Variants in NFASC observed in about 807,000 individuals in gnomAD.
The protein encoded by NFASC is neurofascin, also known as neurofascin homolog.
NFASC carries 43 observed loss-of-function variants against 147.5 expected under a neutral mutation model. The observed-to-expected ratio is 0.29, with a 90% CI of 0.23 to 0.38. The LOEUF (loss-of-function observed/expected upper bound fraction) is 0.38. NFASC is among the 10% of genes least tolerant of loss of function. The probability of loss-of-function intolerance (pLI) is 1.00; values close to 1 mark genes in which losing one functional copy is unlikely to be tolerated. For missense variants in NFASC, 1,320 were observed against 1,689.0 expected (o/e 0.78, Z 3.83); for synonymous variants, 622 against 665.5 (o/e 0.93, Z 1.01).
intron 2 of NFASC, among the ~76,000 whole-genome samples, chr1:204,931,764 T>C (rs749139823): frequency 2.0e-5 from 3 of 152,142 alleles, no homozygotes; most frequent in Non-Finnish European, 2.9e-5. Context: ...CCCTTCTGTG[T>C]TCTTGGTGTC....
At chr1:204,898,340 A>G (rs2083805132) in intron 1 of NFASC, among the ~76,000 whole-genome samples, 1 of 152,252 alleles carries the variant, frequency 6.6e-6, no homozygotes, top group Non-Finnish European at 1.5e-5. Context: ...GTATAAAATA[A>G]TAAAACCCAT....
chr1:204,894,188 T>C (rs941655738), intron 1 of NFASC, among the ~76,000 whole-genome samples: 2 of 152,240 alleles, frequency 1.3e-5, no homozygotes, highest in African/African-American at 4.8e-5. Flanking sequence ...TAAAAAAATA[T>C]TTGTCAAAAG....
At chr1:204,944,448 T>TTTGG in intron 3 of NFASC, 42 bp downstream of exon 3, 3 of 485,904 alleles carry the variant, frequency 6.2e-6, no homozygotes, top group Non-Finnish European at 7.4e-6. Flanking sequence ...TTCCTGATTT[T>TTTGG]GGGCAGAGGG....
In NFASC at chr1:204,946,433, G is replaced by C. The variant is rs2093742142; in HGVS notation, c.91+2027G>C. 3 of 439,450 alleles carry C rather than the reference G, an allele frequency of 6.8e-6. No individual in the cohort carries two copies. In the Admixed American group the frequency reaches 7.0e-5, roughly 10 times the overall value. 27.2% of individuals were successfully genotyped at this position (439,450 alleles called of 1,614,324 possible). ...GAAGTCCTTCTGCAATGCCATTCCA[G>C]ATGCTCTGGCTGTGTCGGGGCAGGA... On this transcript the variant is annotated intron_variant, in intron 3 of 29. Coordinates refer to ENST00000339876, the MANE Select transcript of NFASC (RefSeq NM_001005388.3).
At chr1:204,908,488 C>G (rs1317985422) in intron 1 of NFASC, among the ~76,000 whole-genome samples, 3 of 152,080 alleles carry the variant, frequency 2.0e-5, no homozygotes, top group South Asian at 4.1e-4. Context: ...AAAGAATCAA[C>G]TGAAAAACTC....
intron 1 of NFASC, among the ~76,000 whole-genome samples, chr1:204,833,351 G>A (rs1377373652): frequency 6.6e-6 from 1 of 152,196 alleles, no homozygotes; most frequent in African/African-American, 2.4e-5. Flanking sequence ...ACTTGTTGAA[G>A]ATTACAGAAC....
At chr1:204,974,335 C>T (rs748330074) in intron 13 of NFASC, 45 bp downstream of exon 13, 5 of 1,429,146 alleles carry the variant, frequency 3.5e-6, no homozygotes, top group African/African-American at 1.4e-5. Flanking sequence ...GGTCACCTGT[C>T]TCATCTTCTC....
Position 204,987,514 on chromosome 1 carries a change from T to A in NFASC, c.2567T>A (p.Ile856Asn). ...CCTGAGCATCCAAATGGGATCATGATTGGATACACTCTCAAATATGTGGCC... is the reference window on the plus strand; with the variant it reads ...CCTGAGCATCCAAATGGGATCATGAATGGATACACTCTCAAATATGTGGCC... ...DHPEHPNGIM[I>N]GYTLKYVAFN... The change falls in exon 22 of 30, where the codon ATT (isoleucine) becomes AAT (asparagine). Residue 856 changes from isoleucine (I) to asparagine (N), a missense_variant. By Grantham distance (149) the Ile-to-Asn change is moderately radical (BLOSUM62 -3). Coordinates refer to ENST00000339876, the MANE Select transcript of NFASC (RefSeq NM_001005388.3). This position sits in a 1 kb window ranked among gnomAD's most constrained non-coding sequence, Gnocchi z 4.4. The A allele has an allele frequency of 6.2e-7, 1 of 1,614,090 alleles. No individual in the cohort carries two copies. The highest frequency in any genetic ancestry group is 8.5e-7 in the Non-Finnish European group (1 of 1,180,004).
intron 8 of NFASC, among the ~76,000 whole-genome samples, chr1:204,962,710 C>T (rs2094740680): frequency 6.6e-6 from 1 of 152,174 alleles, no homozygotes; most frequent in African/African-American, 2.4e-5. Flanking sequence ...AAGAGTCCAG[C>T]TCTGAGTTCT....
At chr1:204,904,610 T>G (rs753988383) in intron 1 of NFASC, among the ~76,000 whole-genome samples, 4 of 152,228 alleles carry the variant, frequency 2.6e-5, no homozygotes, top group Non-Finnish European at 5.9e-5. Context: ...TTGAGCTTCA[T>G]TCACATTTCT....
At chr1:204,869,119 A>G (rs901746629) in intron 1 of NFASC, among the ~76,000 whole-genome samples, 4 of 152,320 alleles carry the variant, frequency 2.6e-5, no homozygotes, top group South Asian at 2.1e-4. Flanking sequence ...TGAAAAGGCC[A>G]GATGGGGGCT....
At chr1:204,871,869 T>G (rs938158467) in intron 1 of NFASC, among the ~76,000 whole-genome samples, 3 of 152,132 alleles carry the variant, frequency 2.0e-5, no homozygotes, top group African/African-American at 7.2e-5. Flanking sequence ...CTACCCTGAG[T>G]TAGGAAACTC....
intron 1 of NFASC, among the ~76,000 whole-genome samples, chr1:204,863,619 G>A (rs770950997): frequency 4.6e-5 from 7 of 152,100 alleles, no homozygotes; most frequent in Admixed American, 1.3e-4. Flanking sequence ...GAAGGCCGAG[G>A]GGGGTGGATC....
At chr1:204,977,821 AGT>A (rs2095437589) in intron 17 of NFASC, 96 bp downstream of exon 17, 2 of 1,172,788 alleles carry the variant, frequency 1.7e-6, no homozygotes, top group East Asian at 2.5e-5. Flanking sequence ...AAAGGGCGAC[AGT>A]GTGTAGGTTT....
At chr1:204,904,395 GC>G (rs2085335141) in intron 1 of NFASC, among the ~76,000 whole-genome samples, 1 of 152,158 alleles carries the variant, frequency 6.6e-6, no homozygotes, top group East Asian at 1.9e-4. Flanking sequence ...ACTACGCCTG[GC>G]CTAGGCTTCA....
At chr1:205,013,579 A>G (rs2096290913) in intron 29 of NFASC, among the ~76,000 whole-genome samples, 2 of 152,132 alleles carry the variant, frequency 1.3e-5, no homozygotes, top group Admixed American at 6.5e-5. Context: ...CTATACTTCT[A>G]TACCCATGCT....
intron 2 of NFASC, among the ~76,000 whole-genome samples, chr1:204,932,519 A>T (rs558285563): frequency 7.6e-4 from 110 of 145,028 alleles, no homozygotes; most frequent in Middle Eastern, 3.5e-3. Flanking sequence ...AAAGGCATTT[A>T]AAAAAAAAAA....
intron 27 of NFASC, 45 bp from the exon 28 acceptor site, chr1:205,009,512 C>T (rs1372642723): frequency 2.5e-6 from 4 of 1,605,294 alleles, no homozygotes; most frequent in South Asian, 1.1e-5. Flanking sequence ...TCACCATCTC[C>T]CCCATGAAAT....
At position 205,021,286 on chromosome 1, in the gene NFASC, C is replaced by T. The variant is rs536398500; in HGVS notation, c.*4747C>T. On this transcript the variant is annotated 3_prime_UTR_variant, in exon 30 of 30. Transcript: ENST00000339876. ...TTACTAATAATGGGCCTTCCTGAGA[C>T]ACATTCAGAGAAGGATCAGAGAGAA... 1 of 152,688 alleles carries T rather than the reference C, an allele frequency of 6.5e-6. No individual in the cohort carries two copies. The highest frequency in any genetic ancestry group is 6.5e-5 in the Admixed American group (1 of 15,290). The allele number at this position is 152,688 out of a possible 1,614,324, so 9.5% of individuals were successfully genotyped here.
Sources: allele counts gnomAD v4.1 joint callset (sites outside exome capture counted in the v4.1 genomes callset), GRCh38; gene constraint gnomAD v4.1.1; non-coding constraint Gnocchi (gnomAD v3.1); transcripts MANE v1.5; gene names NCBI Gene and HGNC (gene_info 2026-07-23, HGNC 2026-07-21).